Variants in PCNT observed in about 807,000 individuals in gnomAD.
PCNT encodes pericentrin.
PCNT carries 319 observed loss-of-function variants against 380.4 expected under a neutral mutation model. The observed-to-expected ratio is 0.84, with a 90% CI of 0.77 to 0.92. The LOEUF (loss-of-function observed/expected upper bound fraction) is 0.92. Ranked by LOEUF, PCNT falls within the 40% of genes least tolerant of loss-of-function variation. The pLI, the probability that PCNT is intolerant of heterozygous loss-of-function variation, is 0.00. For synonymous variants in PCNT, 1,845 were observed against 1,735.2 expected, an observed-to-expected ratio of 1.06 and a Z score of -1.57; for missense variants, 4,400 against 4,255.3, an observed-to-expected ratio of 1.03 and a Z score of -0.95.
chr21:46,438,860 AT>A (rs1569309662), intron 41 of PCNT, among the ~76,000 whole-genome samples: 1 of 151,744 alleles, frequency 6.6e-6, no homozygotes, highest in Non-Finnish European at 1.5e-5. Context: ...TTTAGTAGAG[AT>A]GGGGTTTTGC....
Position 46,363,724 on chromosome 21 carries a change from A to G in PCNT, c.2399A>G (p.Gln800Arg), listed in dbSNP as rs958886012. Residue 800 changes from glutamine to arginine, a missense_variant, in exon 14 of 47, where the codon CAG becomes CGG. Transcript: ENST00000359568. ...CGAGAAGCTGAAATGAGGCAGCTTC[A>G]GGACCAACAGGCAGCCCAGATCCTG... ...ELREAEMRQL[Q>R]DQQAAQILDL... 11 of 1,614,138 alleles carry G rather than the reference A, an allele frequency of 6.8e-6. No homozygotes were observed. Among genetic ancestry groups the G allele is most frequent in the Non-Finnish European group, 9.3e-6 (11 of 1,180,052 alleles).
intron 35 of PCNT, among the ~76,000 whole-genome samples, chr21:46,428,886 C>A (rs968275408): frequency 2.0e-5 from 3 of 152,196 alleles, no homozygotes; most frequent in African/African-American, 7.2e-5. Context: ...TCAGGAATGT[C>A]TCGTAGGTTT....
At chr21:46,373,904 A>G (rs2085245557) in intron 15 of PCNT, among the ~76,000 whole-genome samples, 1 of 150,518 alleles carries the variant, frequency 6.6e-6, no homozygotes, top group Non-Finnish European at 1.5e-5. Context: ...TAATTTTTAT[A>G]TTTTCAGTAG....
In PCNT at chr21:46,425,714, C is replaced by A; in HGVS notation, c.7180-117C>A. On this transcript the variant is annotated intron_variant, in intron 32 of 46. Transcript: ENST00000359568. The surrounding 1 kb of genome is among the most constrained non-coding windows in gnomAD (Gnocchi z 4.2). ...ACGAAGCCGAGGCGGTGCCCTCCCT[C>A]TCCACAGCTGCCCGCCCTTCACAGA... is the stretch of plus-strand genomic sequence containing the variant. 6.8e-7 allele frequency: 1 copy of A among 1,480,840 alleles called. No individual in the cohort carries two copies. Among genetic ancestry groups the A allele is most frequent in the Non-Finnish European group, 9.3e-7 (1 of 1,071,018 alleles). The allele number at this position is 1,480,840 out of a possible 1,614,324, so 91.7% of individuals were successfully genotyped here.
At chr21:46,415,438 C>A (rs527323379) in intron 29 of PCNT, among the ~76,000 whole-genome samples, 1 of 125,488 alleles carries the variant, frequency 8.0e-6, no homozygotes, top group Non-Finnish European at 1.6e-5. Context: ...AGTGCAGTGG[C>A]GAGATCTTGA....
intron 37 of PCNT, 107 bp downstream of exon 37, chr21:46,430,764 C>T (rs2087724281): frequency 6.5e-7 from 1 of 1,539,218 alleles, no homozygotes; most frequent in African/African-American, 1.4e-5. Flanking sequence ...GGCAGTGCAC[C>T]CAGTTGACAG....
intron 14 of PCNT, among the ~76,000 whole-genome samples, chr21:46,364,598 G>C (rs1239509213): frequency 6.6e-6 from 1 of 152,216 alleles, no homozygotes; most frequent in Non-Finnish European, 1.5e-5. Flanking sequence ...TTAAAAATAA[G>C]CATGTTTTTC....
At chr21:46,426,271 A>C (rs1224743381) in intron 33 of PCNT, among the ~76,000 whole-genome samples, 1 of 151,832 alleles carries the variant, frequency 6.6e-6, no homozygotes, top group Non-Finnish European at 1.5e-5. Flanking sequence ...AGACCTTGTG[A>C]TCCACCCGCC....
At chr21:46,366,173 C>T (rs67986301) in intron 14 of PCNT, among the ~76,000 whole-genome samples, 54,114 of 152,146 alleles carry the variant, frequency 0.36, 10,352 homozygotes, top group Middle Eastern at 0.5. Context: ...ATGGGCAGTG[C>T]CCCTTCCCTG....
intron 13 of PCNT, among the ~76,000 whole-genome samples, chr21:46,362,237 G>A (rs779979675): frequency 2.6e-5 from 4 of 152,316 alleles, no homozygotes; most frequent in South Asian, 2.1e-4. Flanking sequence ...CTTCCCAGGC[G>A]TTGCAGCTCT....
rs770095220 is a variant in PCNT, at chr21:46,411,954, G to A, written c.5881G>A (p.Val1961Met). Residue 1961 changes from valine (V) to methionine (M), a missense_variant, in exon 28 of 47, where the codon GTG (valine) becomes ATG (methionine). By Grantham distance (21) the Val-to-Met change is conservative. Transcript: ENST00000359568. ...QARRATAHTRVPGAHPQPRMD... is the reference protein window; with the variant it reads ...QARRATAHTRMPGAHPQPRMD... Reference sequence around the variant, plus strand: ...CCGCAGAGCCACAGCTCACACACGGGTGCCCGGGGCCCACCCACAGCCTCG... The same window carrying A: ...CCGCAGAGCCACAGCTCACACACGGATGCCCGGGGCCCACCCACAGCCTCG... The A allele has an allele frequency of 1.6e-5, 25 of 1,598,220 alleles. No individual in the cohort carries two copies. In the South Asian group the frequency reaches 2.8e-4, roughly 18 times the overall value.
chr21:46,438,178 A>G lies in PCNT; in HGVS notation c.9114A>G (p.Ala3038=). 1 of 1,613,772 alleles carries G rather than the reference A, an allele frequency of 6.2e-7. No individual in the cohort carries two copies. Among genetic ancestry groups the G allele is most frequent in the Non-Finnish European group, 8.5e-7 (1 of 1,179,594 alleles). The change falls in exon 41 of 47, where the codon GCA becomes GCG. Residue 3038 remains alanine (A), a synonymous_variant. Coordinates refer to ENST00000359568, the MANE Select transcript of PCNT (RefSeq NM_006031.6). ...TTTTCTCCAAGAAAAAAATGGCAGC[A>G]GAGCTGCAGTTCCAGTTTGTGGACG... ...RPTSSQKKMA[A]ELQFQFVDVL... is the part of the protein sequence containing the mutation.
At chr21:46,374,724 C>G (rs565907056) in intron 15 of PCNT, among the ~76,000 whole-genome samples, 1 of 152,082 alleles carries the variant, frequency 6.6e-6, no homozygotes, top group Non-Finnish European at 1.5e-5. Flanking sequence ...TGGCACATAC[C>G]TGTAATCCCA....
chr21:46,338,722 C>T (rs1271201198), intron 3 of PCNT, among the ~76,000 whole-genome samples: 1 of 151,616 alleles, frequency 6.6e-6, no homozygotes, highest in Non-Finnish European at 1.5e-5. Context: ...TCTCCTGCTT[C>T]AGCCTCCCGA....
chr21:46,355,252 C>T (rs1010767181), intron 11 of PCNT, among the ~76,000 whole-genome samples, 200 bp from the exon 12 acceptor site: 1 of 152,264 alleles, frequency 6.6e-6, no homozygotes, highest in Non-Finnish European at 1.5e-5. Context: ...GGAGGCCTGA[C>T]TGAGAGACGG....
At position 46,402,466 on chromosome 21, in the gene PCNT, G is replaced by A. The variant is rs1309217195; in HGVS notation, c.5098G>A (p.Glu1700Lys). 1 of 1,614,108 alleles carries A rather than the reference G, an allele frequency of 6.2e-7. No homozygotes were observed. The highest frequency in any genetic ancestry group is 1.1e-5 in the South Asian group (1 of 91,062). Residue 1700 changes from glutamate (E) to lysine (K), a missense_variant, in exon 27 of 47, where the codon GAG becomes AAG. Physicochemically the swap from Glu to Lys is moderately conservative, Grantham distance 56 (BLOSUM62 1). Transcript: ENST00000359568. ...TGTCAGCCTCAGAGAACTTGAGGAA[G>A]AGAACACGAGCTTGAAGGTAAGCTA... ...TAVSLRELEEENTSLKVIYTR... is the reference protein window; with the variant it reads ...TAVSLRELEEKNTSLKVIYTR...
chr21:46,400,834 C>G (rs542636087), intron 25 of PCNT, among the ~76,000 whole-genome samples: 6 of 152,268 alleles, frequency 3.9e-5, no homozygotes, highest in Non-Finnish European at 7.3e-5. Context: ...GTGTCTGATT[C>G]TCGTAAGTGC....
At chr21:46,368,561 T>G (rs2085010949) in intron 15 of PCNT, among the ~76,000 whole-genome samples, 1 of 152,256 alleles carries the variant, frequency 6.6e-6, no homozygotes, top group African/African-American at 2.4e-5. Context: ...CTGCAGAAGC[T>G]GCAGTGCCTG....
In PCNT at chr21:46,330,287, TAAAA is replaced by T. The variant is rs375033953; in HGVS notation, c.267+3704_267+3707del. Among the ~76,000 whole-genome samples, 325 of 151,676 alleles carry T rather than the reference TAAAA, an allele frequency of 2.1e-3. 3 individuals are homozygous for T. The highest frequency in any genetic ancestry group is 0.01 in the Middle Eastern group (3 of 292). ...CATGTGCCACCATACCTGGCTAACTTAAAAAAAAATTTGTAGAGACAGTGTTACA... is the reference window on the plus strand; with the variant it reads ...CATGTGCCACCATACCTGGCTAACTTAAAAATTTGTAGAGACAGTGTTACA... On this transcript the variant is annotated intron_variant, in intron 2 of 46. Coordinates refer to ENST00000359568, the MANE Select transcript of PCNT (RefSeq NM_006031.6).
Sources: gnomAD v4.1 joint callset for allele counts (sites outside exome capture counted in the v4.1 genomes callset) on GRCh38, gnomAD v4.1.1 for gene constraint, Gnocchi (gnomAD v3.1) non-coding constraint, MANE v1.5 for transcripts, NCBI Gene and HGNC (gene_info 2026-07-23, HGNC 2026-07-21) for gene names.